Variants in IMMP2L observed in about 807,000 individuals in gnomAD.
IMMP2L encodes the protein inner mitochondrial membrane peptidase subunit 2.
In IMMP2L, 18 loss-of-function variants were observed where a neutral mutation model predicts 19.3. The observed-to-expected ratio is 0.93, with a 90% confidence interval of 0.64 to 1.38. The LOEUF (loss-of-function observed/expected upper bound fraction) is 1.38, where lower values mean the gene tolerates loss of function less well. Ranked by LOEUF, IMMP2L falls within the 40% of genes most tolerant of loss-of-function variation. The probability of loss-of-function intolerance (pLI) is 0.00; values close to 1 mark genes in which losing one functional copy is unlikely to be tolerated. For synonymous variants in IMMP2L, 76 were observed against 73.0 expected (o/e 1.04, Z -0.21); for missense variants, 233 against 218.2 (o/e 1.07, Z -0.43).
intron 3 of IMMP2L, among the ~76,000 whole-genome samples, chr7:111,381,836 T>C (rs2131230029): frequency 6.6e-6 from 1 of 152,102 alleles, no homozygotes. Context: ...GGTTATACTA[T>C]AATGAGCTAA....
At chr7:111,158,372 A>C (rs1348744034) in intron 3 of IMMP2L, among the ~76,000 whole-genome samples, 1 of 152,114 alleles carries the variant, frequency 6.6e-6, no homozygotes, top group Non-Finnish European at 1.5e-5. Flanking sequence ...AACATAATTC[A>C]TAAGGGTGAG....
intron 3 of IMMP2L, among the ~76,000 whole-genome samples, chr7:111,066,881 A>C (rs545360986): frequency 6.6e-6 from 1 of 152,332 alleles, no homozygotes; most frequent in East Asian, 1.9e-4. Context: ...GGTATCAGTC[A>C]ACCTAGAGAC....
At chr7:110,989,194 C>T (rs1380357659) in intron 3 of IMMP2L, among the ~76,000 whole-genome samples, 1 of 152,078 alleles carries the variant, frequency 6.6e-6, no homozygotes, top group East Asian at 1.9e-4. Flanking sequence ...AAGATCGTGC[C>T]ATTGCACTCC....
intron 4 of IMMP2L, among the ~76,000 whole-genome samples, chr7:110,948,249 A>G (rs1817454480): frequency 1.3e-5 from 2 of 150,094 alleles, no homozygotes; most frequent in South Asian, 2.1e-4. Context: ...ATAAAACAGC[A>G]AACAGATTTT....
At chr7:110,817,631 C>G (rs967413649) in intron 5 of IMMP2L, among the ~76,000 whole-genome samples, 7 of 151,980 alleles carry the variant, frequency 4.6e-5, no homozygotes, top group Non-Finnish European at 8.8e-5. Context: ...TCATATGGAA[C>G]CAAAAAAGAG....
chr7:110,671,224 C>A (rs896374447), intron 5 of IMMP2L, among the ~76,000 whole-genome samples: 1 of 152,232 alleles, frequency 6.6e-6, no homozygotes, highest in African/African-American at 2.4e-5. Flanking sequence ...TAGTAGTCAC[C>A]AAACTGTTTT....
At chr7:111,079,122 C>CTT (rs1169407875) in intron 3 of IMMP2L, among the ~76,000 whole-genome samples, 4 of 144,780 alleles carry the variant, frequency 2.8e-5, no homozygotes, top group African/African-American at 5.0e-5. Flanking sequence ...TAATTTTTTT[C>CTT]TTTTTTTTTT....
chr7:111,546,558 T>G (rs1175275808), intron 1 of IMMP2L, among the ~76,000 whole-genome samples: 2 of 152,204 alleles, frequency 1.3e-5, no homozygotes, highest in Non-Finnish European at 2.9e-5. Flanking sequence ...CATTTTTTCC[T>G]AGTTTTTCTT....
intron 3 of IMMP2L, among the ~76,000 whole-genome samples, chr7:111,376,330 G>A (rs1469347095): frequency 6.6e-6 from 1 of 151,992 alleles, no homozygotes; most frequent in African/African-American, 2.4e-5. Flanking sequence ...AGTTATCAGG[G>A]AAATGCAAAT....
At chr7:111,011,546 G>A (rs1824958535) in intron 3 of IMMP2L, among the ~76,000 whole-genome samples, 2 of 152,106 alleles carry the variant, frequency 1.3e-5, no homozygotes, top group Admixed American at 6.6e-5. Flanking sequence ...GGCAATAAAT[G>A]GAGAGCCTGT....
intron 3 of IMMP2L, among the ~76,000 whole-genome samples, chr7:111,180,756 G>A (rs1488157069): frequency 1.3e-5 from 2 of 151,938 alleles, no homozygotes; most frequent in Non-Finnish European, 2.9e-5. Context: ...GCATTCACAC[G>A]TATATATTGA....
chr7:111,152,184 T>G (rs951431854), intron 3 of IMMP2L, among the ~76,000 whole-genome samples: 1 of 152,148 alleles, frequency 6.6e-6, no homozygotes. Flanking sequence ...TTCACTATAA[T>G]TTAGTATATG....
intron 3 of IMMP2L, among the ~76,000 whole-genome samples, chr7:111,061,410 C>T (rs1169123496): frequency 6.6e-6 from 1 of 152,172 alleles, no homozygotes; most frequent in Non-Finnish European, 1.5e-5. Context: ...CAATAGTTTG[C>T]AGGTAGCACT....
intron 4 of IMMP2L, among the ~76,000 whole-genome samples, chr7:110,933,497 T>C (rs1380712471): frequency 6.7e-6 from 1 of 149,834 alleles, no homozygotes; most frequent in African/African-American, 2.5e-5. Flanking sequence ...AGCCCTCTTA[T>C]GATATTAAAC....
chr7:111,011,683 G>A (rs1824974501), intron 3 of IMMP2L, among the ~76,000 whole-genome samples: 1 of 152,172 alleles, frequency 6.6e-6, no homozygotes, highest in Admixed American at 6.6e-5. Context: ...CTGCACTGAA[G>A]ACGGCAACAA....
intron 3 of IMMP2L, among the ~76,000 whole-genome samples, chr7:111,175,466 A>G (rs1040523375): frequency 1.3e-5 from 2 of 151,874 alleles, no homozygotes; most frequent in African/African-American, 2.4e-5. Context: ...AGAGAAATCT[A>G]TGTTTATGCA....
intron 3 of IMMP2L, among the ~76,000 whole-genome samples, chr7:111,381,419 T>C (rs1831192808): frequency 6.6e-6 from 1 of 152,022 alleles, no homozygotes; most frequent in Non-Finnish European, 1.5e-5. Flanking sequence ...GTTGAAAGAA[T>C]ATTCTGGATA....
intron 4 of IMMP2L, among the ~76,000 whole-genome samples, chr7:110,913,927 T>G (rs557019374): frequency 6.6e-6 from 1 of 152,294 alleles, no homozygotes; most frequent in South Asian, 2.1e-4. Context: ...AGGAGGGATC[T>G]CAGGTAAAGT....
intron 3 of IMMP2L, among the ~76,000 whole-genome samples, chr7:111,315,702 A>G (rs946805589): frequency 6.6e-6 from 1 of 151,350 alleles, no homozygotes; most frequent in African/African-American, 2.4e-5. Flanking sequence ...AGCAAACAAC[A>G]CACAAGGAAA....
Sources: allele counts gnomAD v4.1 joint callset (sites outside exome capture counted in the v4.1 genomes callset), GRCh38; gene constraint gnomAD v4.1.1; transcripts MANE v1.5; gene names NCBI Gene and HGNC (gene_info 2026-07-23, HGNC 2026-07-21).